KLHL1: variants seen among roughly 807,000 people sequenced by gnomAD.
The protein encoded by KLHL1 is kelch-like protein 1.
A neutral mutation model predicts 77.7 loss-of-function variants in KLHL1; 47 were observed. That is an observed-to-expected ratio of 0.60 (90% CI 0.48 to 0.77). The LOEUF is 0.77. Ranked by LOEUF, KLHL1 falls within the 30% of genes least tolerant of loss-of-function variation. The pLI is 0.00. For synonymous variants in KLHL1, 360 were observed against 325.2 expected (o/e 1.11, Z -1.15); for missense variants, 925 against 910.8 (o/e 1.02, Z -0.20).
chr13:69,791,439 T>C (rs188922735), intron 7 of KLHL1, among the ~76,000 whole-genome samples: 1 of 151,960 alleles, frequency 6.6e-6, no homozygotes, highest in African/African-American at 2.4e-5. Context: ...TGATCTTTTT[T>C]AAAAAAATAT....
intron 1 of KLHL1, among the ~76,000 whole-genome samples, chr13:70,037,890 T>C (rs1378902862): frequency 6.6e-6 from 1 of 152,188 alleles, no homozygotes; most frequent in African/African-American, 2.4e-5. Context: ...TCATTATATG[T>C]ATAATTCCCT....
intron 3 of KLHL1, among the ~76,000 whole-genome samples, chr13:69,947,807 G>A (rs1883578881): frequency 6.6e-6 from 1 of 152,002 alleles, no homozygotes; most frequent in Admixed American, 6.6e-5. Flanking sequence ...GTATTTCTCG[G>A]CCAGACCTAG....
At chr13:69,947,094 G>A (rs1006228842) in intron 3 of KLHL1, among the ~76,000 whole-genome samples, 2 of 147,882 alleles carry the variant, frequency 1.4e-5, no homozygotes, top group South Asian at 2.2e-4. Context: ...TTCCTATTCC[G>A]TCACTGTGGC....
intron 4 of KLHL1, chr13:69,894,022 A>G (rs2138213952): frequency 6.6e-6 from 1 of 152,566 alleles, no homozygotes; most frequent in South Asian, 2.1e-4. Context: ...CCCCAGCCTC[A>G]CTTGGGGGTT....
chr13:70,021,317 G>T (rs11839721), intron 1 of KLHL1, among the ~76,000 whole-genome samples: 1,771 of 152,120 alleles, frequency 0.012, 42 homozygotes, highest in African/African-American at 0.041. Context: ...AAAGTGTCTT[G>T]CATGGCTTTT....
intron 3 of KLHL1, among the ~76,000 whole-genome samples, chr13:69,952,880 T>A (rs1424640010): frequency 1.3e-5 from 2 of 151,318 alleles, no homozygotes; most frequent in African/African-American, 4.8e-5. Flanking sequence ...TATTTGCTTG[T>A]TTTCCCCCCA....
chr13:69,974,400 A>C (rs1343753195), intron 2 of KLHL1, among the ~76,000 whole-genome samples: 1 of 151,580 alleles, frequency 6.6e-6, no homozygotes, highest in African/African-American at 2.4e-5. Context: ...TGCATAACTA[A>C]ATAATTTAGA....
At chr13:69,757,962 A>G (rs1874839195) in intron 7 of KLHL1, among the ~76,000 whole-genome samples, 1 of 67,320 alleles carries the variant, frequency 1.5e-5, no homozygotes, top group African/African-American at 6.4e-5. Context: ...CATCTCAAAA[A>G]AAAAAAAAAA....
intron 6 of KLHL1, among the ~76,000 whole-genome samples, chr13:69,837,296 T>A (rs970004885): frequency 6.6e-6 from 1 of 151,624 alleles, no homozygotes; most frequent in Non-Finnish European, 1.5e-5. Flanking sequence ...AATTATTGAA[T>A]CCCAGCAAAG....
chr13:69,709,227 A>T (rs1875766947), intron 9 of KLHL1, among the ~76,000 whole-genome samples: 1 of 152,000 alleles, frequency 6.6e-6, no homozygotes, highest in Admixed American at 6.6e-5. Flanking sequence ...ATACATAGAC[A>T]CACACACCAA....
At chr13:69,979,140 A>T (rs956658260) in intron 1 of KLHL1, among the ~76,000 whole-genome samples, 11 of 149,846 alleles carry the variant, frequency 7.3e-5, no homozygotes, top group African/African-American at 9.8e-5. Flanking sequence ...GAATGGGATT[A>T]AAAAAACAGA....
chr13:69,702,528 T>G (rs1875443221), intron 10 of KLHL1, among the ~76,000 whole-genome samples: 2 of 151,554 alleles, frequency 1.3e-5, no homozygotes, highest in African/African-American at 4.8e-5. Context: ...TATTTCAGAG[T>G]GAAAAGAAAG....
chr13:69,702,078 C>T (rs1439286084), intron 10 of KLHL1, among the ~76,000 whole-genome samples: 1 of 151,626 alleles, frequency 6.6e-6, no homozygotes, highest in Non-Finnish European at 1.5e-5. Flanking sequence ...TGCATGGACA[C>T]ATTTGTGATA....
intron 7 of KLHL1, among the ~76,000 whole-genome samples, chr13:69,782,901 A>G (rs1468776368): frequency 3.9e-5 from 6 of 152,194 alleles, no homozygotes; most frequent in Non-Finnish European, 4.4e-5. Flanking sequence ...CCTAACTGGG[A>G]GGCACCCCCA....
chr13:69,914,215 A>G, intron 4 of KLHL1, among the ~76,000 whole-genome samples: 1 of 152,080 alleles, frequency 6.6e-6, no homozygotes, highest in South Asian at 2.1e-4. Flanking sequence ...ATATACATCT[A>G]TCCTATTAGT....
chr13:69,792,963 C>T lies in KLHL1; in HGVS notation c.1639+3775G>A, dbSNP rs574281268. 1.4e-4 allele frequency among the ~76,000 whole-genome samples: 21 copies of T among 152,210 alleles called. No individual in the cohort carries two copies. The South Asian group carries it at 4.3e-3, about 32-fold the overall frequency. ...TTTTGGAATTTGCTAGTGGTGATGT[C>T]TGCTCATCTCAATATATTCAAACAC... is the stretch of plus-strand genomic sequence containing the variant. On this transcript the variant is annotated intron_variant, in intron 7 of 10. Transcript: ENST00000377844.
At chr13:69,717,739 G>A (rs772693908) in intron 9 of KLHL1, among the ~76,000 whole-genome samples, 23 of 140,318 alleles carry the variant, frequency 1.6e-4, no homozygotes, top group Non-Finnish European at 2.6e-4. Flanking sequence ...AAATGTAAAT[G>A]AGTCAGTTGT....
intron 7 of KLHL1, among the ~76,000 whole-genome samples, chr13:69,782,798 G>A (rs1239855000): frequency 6.6e-6 from 1 of 152,214 alleles, no homozygotes; most frequent in African/African-American, 2.4e-5. Context: ...CTGTCTGACA[G>A]CTTTGAAGAG....
chr13:70,093,627 G>T (rs1405871820), intron 1 of KLHL1, among the ~76,000 whole-genome samples: 1 of 151,894 alleles, frequency 6.6e-6, no homozygotes, highest in Non-Finnish European at 1.5e-5. Flanking sequence ...GTATAAGGGG[G>T]GATATTACTT....
Sources: gnomAD v4.1 joint callset for allele counts (sites outside exome capture counted in the v4.1 genomes callset) on GRCh38, gnomAD v4.1.1 for gene constraint, MANE v1.5 for transcripts, NCBI Gene and HGNC (gene_info 2026-07-23, HGNC 2026-07-21) for gene names.